Variants in YEATS2 observed in about 807,000 individuals in gnomAD.
YEATS2 encodes the protein YEATS domain containing 2, also known as YEATS domain-containing protein 2.
A neutral mutation model predicts 163.2 loss-of-function variants in YEATS2; 77 were observed. The ratio of observed to expected loss-of-function variants is 0.47; its 90% CI spans 0.39 to 0.57. YEATS2 has a LOEUF of 0.57. Among genes scored for constraint, YEATS2 ranks in the 20% least tolerant of loss-of-function variants. The probability of loss-of-function intolerance (pLI) is 0.00; values close to 1 mark genes in which losing one functional copy is unlikely to be tolerated. For synonymous variants in YEATS2, 631 were observed against 645.1 expected, an observed-to-expected ratio of 0.98 and a Z score of 0.33; for missense variants, 1,549 against 1,729.8, an observed-to-expected ratio of 0.90 and a Z score of 1.85.
chr3:183,774,918 G>T (rs1310812685), intron 17 of YEATS2, among the ~76,000 whole-genome samples: 2 of 152,188 alleles, frequency 1.3e-5, no homozygotes, highest in African/African-American at 4.8e-5. Context: ...CATCCAGGGA[G>T]CTACTTAGAT....
At chr3:183,711,557 G>A (rs1183222337) in intron 1 of YEATS2, among the ~76,000 whole-genome samples, 1 of 150,880 alleles carries the variant, frequency 6.6e-6, no homozygotes, top group Non-Finnish European at 1.5e-5. Flanking sequence ...ATTCTGAATT[G>A]TAGCAGGTAA....
chr3:183,803,312 A>G lies in YEATS2; in HGVS notation c.3559A>G (p.Ile1187Val), dbSNP rs774917364. Residue 1187 changes from isoleucine (I) to valine (V), a missense_variant, in exon 26 of 31, where the codon ATT (isoleucine) becomes GTT (valine). Coordinates refer to ENST00000305135, the MANE Select transcript of YEATS2 (RefSeq NM_018023.5). ...TGTGGAGCAGTACTATGGCTGGAAC[A>G]TTGGAAAAAGGAGAGCCGCTGAGGT... ...KSVEQYYGWNIGKRRAAEWQR... is the reference protein window; with the variant it reads ...KSVEQYYGWNVGKRRAAEWQR... 10 of 1,611,592 alleles carry G rather than the reference A, an allele frequency of 6.2e-6. No individual in the cohort carries two copies. The South Asian group carries it at 8.8e-5, about 14-fold the overall frequency.
intron 20 of YEATS2, among the ~76,000 whole-genome samples, chr3:183,787,307 T>C (rs1724158131): frequency 6.6e-6 from 1 of 152,164 alleles, no homozygotes; most frequent in African/African-American, 2.4e-5. Context: ...CCCAAGTGGC[T>C]ACATTATTTT....
Position 183,785,770 on chromosome 3 carries a change from C to T in YEATS2, c.2737-355C>T, listed in dbSNP as rs80271721. Among the ~76,000 whole-genome samples the T allele has an allele frequency of 0.011, 1,637 of 152,144 alleles. 65 individuals are homozygous for T. In the East Asian group the frequency reaches 0.14, roughly 13 times the overall value. On this transcript the variant is annotated intron_variant, in intron 19 of 30. Coordinates refer to ENST00000305135, the MANE Select transcript of YEATS2 (RefSeq NM_018023.5). ...TTAACCTTACCCATTTAAATCTGGC[C>T]CTGTCTAGGGTTGATTCTCATGTTT... is the stretch of plus-strand genomic sequence containing the variant.
chr3:183,809,293 C>A, intron 30 of YEATS2, 123 bp downstream of exon 30: 1 of 953,096 alleles, frequency 1.0e-6, no homozygotes. Context: ...GCTTAGGACA[C>A]TCTTAGAGCC....
rs367917349 is a variant in YEATS2 at position 183,790,295 on chromosome 3, A to G, written c.2914-502A>G. 1.2e-4 allele frequency among the ~76,000 whole-genome samples: 18 copies of G among 152,296 alleles called. 1 individual carries two copies. The highest frequency in any genetic ancestry group is 5.2e-4 in the Admixed American group (8 of 15,294). ...TGCCTGTGCTTGCCGTAGCATCATT[A>G]TACTTAGGTGACTGTTTCCTTGGTC... is the stretch of plus-strand genomic sequence containing the variant. On this transcript the variant is annotated intron_variant, in intron 20 of 30. Transcript: ENST00000305135.
chr3:183,762,111 G>A lies in YEATS2; in HGVS notation c.1779G>A (p.Gln593=). ...TTTGTTGCAAGGTGATCATCAAACA[G>A]GAACCTGGTGAAGCCCCTCACGTGC... ...LGAFTKVIIK[Q]EPGEAPHVPA... The change falls in exon 15 of 31, where the codon CAG becomes CAA. Residue 593 remains glutamine (Q), a synonymous_variant. Transcript: ENST00000305135. 6.2e-7 allele frequency: 1 copy of A among 1,614,140 alleles called. No individual in the cohort carries two copies. The highest frequency in any genetic ancestry group is 2.2e-5 in the East Asian group (1 of 44,878).
At chr3:183,761,886 C>G (rs1721391384) in intron 14 of YEATS2, among the ~76,000 whole-genome samples, 2 of 152,166 alleles carry the variant, frequency 1.3e-5, no homozygotes. Flanking sequence ...AGCACAGGAT[C>G]AAGTTCAGAT....
intron 10 of YEATS2, among the ~76,000 whole-genome samples, chr3:183,753,719 G>T (rs920473585): frequency 1.3e-5 from 2 of 152,202 alleles, no homozygotes; most frequent in Non-Finnish European, 2.9e-5. Context: ...CTGCACTCTA[G>T]CCTGGGTGAC....
intron 15 of YEATS2, among the ~76,000 whole-genome samples, chr3:183,765,193 C>A (rs1721784032): frequency 6.6e-6 from 1 of 152,158 alleles, no homozygotes; most frequent in South Asian, 2.1e-4. Context: ...TCTGAACTTC[C>A]TACTCAGGCT....
At chr3:183,706,174 T>G (rs1714596102) in intron 1 of YEATS2, among the ~76,000 whole-genome samples, 1 of 152,042 alleles carries the variant, frequency 6.6e-6, no homozygotes, top group Non-Finnish European at 1.5e-5. Flanking sequence ...GGGGGAGATT[T>G]CAGCTGGAAT....
intron 21 of YEATS2, among the ~76,000 whole-genome samples, chr3:183,792,347 G>A (rs541302208): frequency 6.6e-5 from 10 of 151,882 alleles, no homozygotes; most frequent in African/African-American, 1.9e-4. Flanking sequence ...TCCCTGTGTC[G>A]ATGTGTTCTC....
At chr3:183,785,356 C>G (rs564092418) in intron 19 of YEATS2, among the ~76,000 whole-genome samples, 6 of 150,950 alleles carry the variant, frequency 4.0e-5, no homozygotes, top group Middle Eastern at 3.4e-3. Context: ...GGCGTGGTGG[C>G]ACGTGCCTGT....
chr3:183,789,440 C>CT (rs1164492137), intron 20 of YEATS2, among the ~76,000 whole-genome samples: 1 of 151,528 alleles, frequency 6.6e-6, no homozygotes, highest in Non-Finnish European at 1.5e-5. Context: ...TTGCCTAATC[C>CT]AAAGCCACAA....
chr3:183,752,634 G>A (rs762322479), intron 10 of YEATS2, among the ~76,000 whole-genome samples: 90 of 149,944 alleles, frequency 6.0e-4, no homozygotes, highest in Admixed American at 6.0e-4. Flanking sequence ...GCTCGAACCC[G>A]GGAGGTGGAG....
chr3:183,728,365 A>T (rs1717349874), intron 6 of YEATS2, among the ~76,000 whole-genome samples: 1 of 152,180 alleles, frequency 6.6e-6, no homozygotes, highest in Admixed American at 6.5e-5. Flanking sequence ...CCCCTCTGGA[A>T]ATAGCTAAAC....
chr3:183,774,224 G>A (rs555643245), intron 17 of YEATS2, among the ~76,000 whole-genome samples: 10 of 152,274 alleles, frequency 6.6e-5, no homozygotes, highest in African/African-American at 9.6e-5. Flanking sequence ...CCCCTGGGCC[G>A]CACAGCAGAA....
At chr3:183,772,957 C>T (rs1013032403) in intron 16 of YEATS2, among the ~76,000 whole-genome samples, 18 of 152,120 alleles carry the variant, frequency 1.2e-4, no homozygotes, top group Admixed American at 6.5e-4. Context: ...TTTATATCAT[C>T]TCTAGGTTAT....
intron 30 of YEATS2, 70 bp from the exon 31 acceptor site, chr3:183,810,405 T>G: frequency 7.2e-7 from 1 of 1,391,602 alleles, no homozygotes; most frequent in Non-Finnish European, 1.0e-6. Context: ...CTGTGATGAG[T>G]TAAGTGAATA....
Sources: gnomAD v4.1 joint callset for allele counts (sites outside exome capture counted in the v4.1 genomes callset) on GRCh38, gnomAD v4.1.1 for gene constraint, MANE v1.5 for transcripts, NCBI Gene and HGNC (gene_info 2026-07-23, HGNC 2026-07-21) for gene names.